The following DDX50 variants were observed in gnomAD, a reference collection of about 807,000 sequenced individuals.
The protein encoded by DDX50 is DExD-box helicase 50, also known as ATP-dependent RNA helicase DDX50.
DDX50 carries 56 observed loss-of-function variants against 94.8 expected under a neutral mutation model. The observed-to-expected ratio is 0.59, with a 90% CI of 0.48 to 0.74. The LOEUF (loss-of-function observed/expected upper bound fraction) is 0.74. DDX50 is among the 30% of genes least tolerant of loss of function. The pLI is 0.00. For missense variants in DDX50, 713 were observed against 881.2 expected (o/e 0.81, Z 2.42); for synonymous variants, 264 against 295.4 (o/e 0.89, Z 1.09).
intron 12 of DDX50, among the ~76,000 whole-genome samples, chr10:68,940,366 G>A (rs1434910547): frequency 2.0e-5 from 3 of 148,636 alleles, no homozygotes; most frequent in East Asian, 4.0e-4. Flanking sequence ...GTGACAGAGC[G>A]AGACCCTGTC....
chr10:68,917,677 A>T (rs910905774), intron 7 of DDX50, among the ~76,000 whole-genome samples: 7 of 152,078 alleles, frequency 4.6e-5, no homozygotes, highest in African/African-American at 1.7e-4. Flanking sequence ...ATCTCAGCTC[A>T]TTGCAGCCTC....
intron 7 of DDX50, among the ~76,000 whole-genome samples, chr10:68,917,155 T>G (rs1471942288): frequency 6.6e-6 from 1 of 152,042 alleles, no homozygotes; most frequent in Non-Finnish European, 1.5e-5. Flanking sequence ...TTTGCAATTT[T>G]CTGTTGAAAA....
intron 12 of DDX50, among the ~76,000 whole-genome samples, chr10:68,939,082 C>T (rs937587950): frequency 6.6e-6 from 1 of 152,032 alleles, no homozygotes; most frequent in Non-Finnish European, 1.5e-5. Context: ...TTAATATGTA[C>T]CTCATATTGC....
chr10:68,913,343 G>A (rs1485098299), intron 5 of DDX50, 48 bp from the exon 6 acceptor site: 8 of 1,602,504 alleles, frequency 5.0e-6, no homozygotes, highest in African/African-American at 1.3e-5. Flanking sequence ...AATAAATAAT[G>A]TGAAAGTTTG....
In DDX50 at chr10:68,946,525, A is replaced by T; in HGVS notation, c.2109A>T (p.Arg703Ser). The change falls in exon 15 of 15, where the codon AGA becomes AGT. Residue 703 changes from arginine to serine, a missense_variant. By Grantham distance (110) the Arg-to-Ser change is moderately radical. This residue lies in a region of DDX50 where 428 missense variants were observed against 602.3 expected (regional missense o/e 0.71). Transcript: ENST00000373585. ...GTCGATCTGGCGGCCGGTCAGGTAG[A>T]CAGAGTCGACAAGGAAGTCGCTCAG... The part of the protein sequence containing the change: ...SGGRSGGRSG[R>S]QSRQGSRSGS... 2 of 1,614,232 alleles carry T rather than the reference A, an allele frequency of 1.2e-6. No homozygotes were observed. Among genetic ancestry groups the T allele is most frequent in the Non-Finnish European group, 1.7e-6 (2 of 1,180,040 alleles).
At chr10:68,920,106 A>T in intron 8 of DDX50, 125 bp downstream of exon 8, 1 of 1,149,650 alleles carries the variant, frequency 8.7e-7, no homozygotes, top group Non-Finnish European at 1.3e-6. Flanking sequence ...AAGGCTGGGC[A>T]TGGTGGCCCA....
At chr10:68,930,061 T>TCC (rs1842212643) in intron 8 of DDX50, among the ~76,000 whole-genome samples, 2 of 133,308 alleles carry the variant, frequency 1.5e-5, no homozygotes, top group African/African-American at 3.9e-5. Context: ...CTTCCTTCCT[T>TCC]TCTTTTCCTT....
At chr10:68,933,500 T>C (rs2132053910) in intron 8 of DDX50, among the ~76,000 whole-genome samples, 1 of 152,330 alleles carries the variant, frequency 6.6e-6, no homozygotes, top group African/African-American at 2.4e-5. Context: ...TTAAGTAGCA[T>C]TTTATCTATA....
intron 13 of DDX50, among the ~76,000 whole-genome samples, chr10:68,942,438 G>A (rs1432889700): frequency 6.6e-6 from 1 of 151,974 alleles, no homozygotes; most frequent in Non-Finnish European, 1.5e-5. Flanking sequence ...GCAAGTATGA[G>A]ACAAATATAT....
At chr10:68,919,556 T>A (rs928415205) in intron 7 of DDX50, among the ~76,000 whole-genome samples, 2 of 152,034 alleles carry the variant, frequency 1.3e-5, no homozygotes, top group Non-Finnish European at 2.9e-5. Flanking sequence ...TTATTCGGCA[T>A]TTTTTTTAAG....
chr10:68,918,035 C>T (rs1841847101), intron 7 of DDX50, among the ~76,000 whole-genome samples: 1 of 152,146 alleles, frequency 6.6e-6, no homozygotes, highest in Non-Finnish European at 1.5e-5. Context: ...AGCGATTCTC[C>T]TGCCTCAGCC....
At chr10:68,907,213 G>A (rs187682472) in intron 2 of DDX50, among the ~76,000 whole-genome samples, 86 of 152,128 alleles carry the variant, frequency 5.7e-4, no homozygotes, top group Admixed American at 3.5e-3. Context: ...TTCTTGGGGC[G>A]AGGTGGGAGC....
intron 2 of DDX50, 56 bp from the exon 3 acceptor site, chr10:68,910,251 G>A (rs1162029315): frequency 2.9e-6 from 4 of 1,381,556 alleles, no homozygotes; most frequent in Non-Finnish European, 4.0e-6. Flanking sequence ...ATTAAAAACA[G>A]TAAATGAGGA....
At chr10:68,941,328 C>T (rs1842548978) in intron 13 of DDX50, 134 bp downstream of exon 13, 1 of 1,221,148 alleles carries the variant, frequency 8.2e-7, no homozygotes, top group African/African-American at 1.5e-5. Context: ...TAGTTTGTTT[C>T]CAGTTATAAA....
Position 68,930,114 on chromosome 10 carries a change from CTTTTTTTTTTTT to C in DDX50, c.1240-4074_1240-4063del, listed in dbSNP as rs34023657. Among the ~76,000 whole-genome samples the C allele has an allele frequency of 1.3e-4, 13 of 99,778 alleles. No homozygotes were observed. In the South Asian group the frequency reaches 3.7e-3, roughly 28 times the overall value. The allele number at this position is 99,778 out of a possible 152,430, so 65.5% of individuals were successfully genotyped here. A position where few individuals can be genotyped will look rare whatever the true frequency, so the allele number is the denominator to read the frequency against. On this transcript the variant is annotated intron_variant, in intron 8 of 14. Transcript: ENST00000373585. ...TTCCTTCCTTCCTTTCTTTCCTTTCCTTTTTTTTTTTTTTTTTTTTTTGATGGAGTTTCGCTC... is the reference window on the plus strand; with the variant it reads ...TTCCTTCCTTCCTTTCTTTCCTTTCCTTTTTTTTTTGATGGAGTTTCGCTC...
At position 68,910,337 on chromosome 10, in the gene DDX50, T is replaced by G; in HGVS notation, c.415T>G (p.Phe139Val). 6.2e-7 allele frequency: 1 copy of G among 1,607,062 alleles called. No homozygotes were observed. The highest frequency in any genetic ancestry group is 1.1e-5 in the South Asian group (1 of 90,224). The change falls in exon 3 of 15, where the codon TTC (phenylalanine) becomes GTC (valine). Residue 139 changes from phenylalanine to valine, a missense_variant. Coordinates refer to ENST00000373585, the MANE Select transcript of DDX50 (RefSeq NM_024045.2). ...TLTREQKEGA[F>V]SNFPISEETI... ...AACACGTGAACAGAAAGAAGGAGCC[T>G]TCTCCAATTTTCCTATTTCTGAAGA...
intron 12 of DDX50, 141 bp downstream of exon 12, chr10:68,937,236 A>C: frequency 1.1e-6 from 1 of 876,510 alleles, no homozygotes; most frequent in Non-Finnish European, 1.6e-6. Flanking sequence ...ATTTTCCTCT[A>C]CTCCCTAATA....
At chr10:68,913,123 T>A (rs1465814919) in intron 4 of DDX50, 39 bp from the exon 5 acceptor site, 5 of 1,524,480 alleles carry the variant, frequency 3.3e-6, no homozygotes, top group Non-Finnish European at 4.4e-6. Context: ...GATATGTCTT[T>A]AGAAAAGTAT....
chr10:68,901,532 C>T, intron 1 of DDX50, 61 bp downstream of exon 1: 1 of 1,498,500 alleles, frequency 6.7e-7, no homozygotes, highest in African/African-American at 1.4e-5. Flanking sequence ...GGGAGGGGAA[C>T]TGTCTGTCCC....
Sources: gnomAD v4.1 joint callset for allele counts (sites outside exome capture counted in the v4.1 genomes callset) on GRCh38, gnomAD v4.1.1 for gene constraint, gnomAD v4.1.1 regional missense constraint, MANE v1.5 for transcripts, NCBI Gene and HGNC (gene_info 2026-07-23, HGNC 2026-07-21) for gene names.